Variants in PARD3B observed in about 807,000 individuals in gnomAD.
PARD3B encodes the protein partitioning defective 3 homolog B.
PARD3B carries 103 observed loss-of-function variants against 130.2 expected under a neutral mutation model. The ratio of observed to expected loss-of-function variants is 0.79; its 90% CI spans 0.67 to 0.93. The LOEUF (loss-of-function observed/expected upper bound fraction) is 0.93. Ranked by LOEUF, PARD3B falls within the 40% of genes least tolerant of loss-of-function variation. The pLI is 0.00. For synonymous variants in PARD3B, 583 were observed against 553.2 expected, an observed-to-expected ratio of 1.05 and a Z score of -0.76; for missense variants, 1,609 against 1,499.2, an observed-to-expected ratio of 1.07 and a Z score of -1.21.
At chr2:204,849,131 T>C (rs1288984975) in intron 2 of PARD3B, among the ~76,000 whole-genome samples, 1 of 152,094 alleles carries the variant, frequency 6.6e-6, no homozygotes, top group Non-Finnish European at 1.5e-5. Flanking sequence ...TTAGAAGAAG[T>C]GGCTATTGGA....
chr2:205,058,739 C>T (rs1160767417), intron 4 of PARD3B, among the ~76,000 whole-genome samples: 1 of 151,888 alleles, frequency 6.6e-6, no homozygotes, highest in African/African-American at 2.4e-5. Context: ...CATGTATCTT[C>T]TTTGGGAAAC....
At chr2:205,101,813 T>C (rs552268938) in intron 4 of PARD3B, among the ~76,000 whole-genome samples, 1 of 152,286 alleles carries the variant, frequency 6.6e-6, no homozygotes, top group African/African-American at 2.4e-5. Context: ...ATGTCTACAA[T>C]AGGCAACTCC....
intron 2 of PARD3B, among the ~76,000 whole-genome samples, chr2:204,744,234 T>C (rs2040126908): frequency 6.6e-6 from 1 of 152,138 alleles, no homozygotes; most frequent in South Asian, 2.1e-4. Context: ...TTGGACCATA[T>C]ATTCTCCTGT....
Position 204,989,391 on chromosome 2 carries a change from G to C in PARD3B, c.394+24068G>C, listed in dbSNP as rs1487515620. 2.0e-5 allele frequency among the ~76,000 whole-genome samples: 3 copies of C among 152,104 alleles called. No homozygotes were observed. In the East Asian group the frequency reaches 5.8e-4, roughly 29 times the overall value. On this transcript the variant is annotated intron_variant, in intron 3 of 22. Transcript: ENST00000406610. ...GAAGCACTTACATAGCCAAGGTAAG[G>C]AGCCAGGACATTTTACTAGAGGCCA...
At chr2:205,574,966 G>A (rs568100913) in intron 22 of PARD3B, among the ~76,000 whole-genome samples, 12 of 151,234 alleles carry the variant, frequency 7.9e-5, no homozygotes, top group South Asian at 2.1e-4. Flanking sequence ...AAGGTTCATC[G>A]TATCCTTTGT....
At chr2:205,385,086 A>G (rs924449786) in intron 18 of PARD3B, among the ~76,000 whole-genome samples, 1 of 152,164 alleles carries the variant, frequency 6.6e-6, no homozygotes, top group African/African-American at 2.4e-5. Flanking sequence ...TTCTTAGTCT[A>G]CTGATACAAT....
intron 2 of PARD3B, among the ~76,000 whole-genome samples, chr2:204,918,196 A>G (rs1433825559): frequency 6.6e-6 from 1 of 152,248 alleles, no homozygotes; most frequent in Non-Finnish European, 1.5e-5. Context: ...CTTTGAGGAC[A>G]TTCTTAATGT....
chr2:205,321,776 TCTAAAAACATAAA>T lies in PARD3B; in HGVS notation c.2630+20076_2630+20088del, dbSNP rs1280573311. Among the ~76,000 whole-genome samples, 1 of 152,188 alleles carries T rather than the reference TCTAAAAACATAAA, an allele frequency of 6.6e-6. No homozygotes were observed. ...TTTTGTGGGGTTTATCACTATCTAA[TCTAAAAACATAAA>T]TTAAGTCAGTGTTGACTCCTGGTAA... On this transcript the variant is annotated intron_variant, in intron 18 of 22. Transcript: ENST00000406610. This position sits in a 1 kb window ranked among gnomAD's most constrained non-coding sequence, Gnocchi z 4.2.
chr2:205,565,543 T>TG (rs1267615512), intron 22 of PARD3B, among the ~76,000 whole-genome samples: 1 of 152,222 alleles, frequency 6.6e-6, no homozygotes, highest in Non-Finnish European at 1.5e-5. Flanking sequence ...CTCTGCCTTC[T>TG]GTGGGTCGGT....
Position 204,901,963 on chromosome 2 carries a change from G to A in PARD3B, c.223-63189G>A, listed in dbSNP as rs546771783. On this transcript the variant is annotated intron_variant, in intron 2 of 22. Coordinates refer to ENST00000406610, the MANE Select transcript of PARD3B (RefSeq NM_001302769.2). ...GCCCTATTCTACTGTGGTTGAGCTGGTATCCCAGTTGCAAGACAATGTCCT... is the reference window on the plus strand; with the variant it reads ...GCCCTATTCTACTGTGGTTGAGCTGATATCCCAGTTGCAAGACAATGTCCT... Among the ~76,000 whole-genome samples, 40 of 152,128 alleles carry A rather than the reference G, an allele frequency of 2.6e-4. No homozygotes were observed. In the South Asian group the frequency reaches 8.1e-3, roughly 31 times the overall value.
At chr2:205,595,937 G>A (rs930705690) in intron 22 of PARD3B, among the ~76,000 whole-genome samples, 1 of 151,272 alleles carries the variant, frequency 6.6e-6, no homozygotes, top group East Asian at 1.9e-4. Context: ...AAAAAAAAAA[G>A]AAGAAGTAAT....
In PARD3B at chr2:205,407,651, T is replaced by C. The variant is rs1039038644; in HGVS notation, c.2741+6528T>C. Among the ~76,000 whole-genome samples the C allele has an allele frequency of 5.6e-4, 85 of 152,056 alleles. No homozygotes were observed. Among genetic ancestry groups the C allele is most frequent in the African/African-American group, 1.8e-3 (73 of 41,400 alleles). On this transcript the variant is annotated intron_variant, in intron 19 of 22. Transcript: ENST00000406610. The surrounding 1 kb of genome is among the most constrained non-coding windows in gnomAD (Gnocchi z 4.1). ...TACCATCTCAAAAATCCAGTGGAGA[T>C]TGGTTAAAAGAAAAATATGTCCCCC...
intron 20 of PARD3B, among the ~76,000 whole-genome samples, chr2:205,445,255 A>G (rs1416746736): frequency 1.3e-5 from 2 of 152,218 alleles, no homozygotes; most frequent in South Asian, 2.1e-4. Flanking sequence ...ACCCCACACT[A>G]TGATATAGAC....
At chr2:204,706,854 C>G (rs1172969481) in intron 2 of PARD3B, among the ~76,000 whole-genome samples, 1 of 152,118 alleles carries the variant, frequency 6.6e-6, no homozygotes, top group Non-Finnish European at 1.5e-5. Context: ...TCTAGCAAAA[C>G]ACTAATATTT....
At chr2:205,216,052 A>G (rs2037891426) in intron 15 of PARD3B, among the ~76,000 whole-genome samples, 1 of 152,122 alleles carries the variant, frequency 6.6e-6, no homozygotes, top group Admixed American at 6.6e-5. Context: ...ATGTAGTAAC[A>G]TTTCAGTCAA....
chr2:205,197,579 G>A (rs570297156), intron 15 of PARD3B, among the ~76,000 whole-genome samples: 34 of 152,040 alleles, frequency 2.2e-4, no homozygotes, highest in Non-Finnish European at 4.3e-4. Flanking sequence ...GGATTTTGTG[G>A]ATACTTTTAC....
At chr2:205,164,820 T>TACACACACACAC (rs1306291172) in intron 11 of PARD3B, among the ~76,000 whole-genome samples, 3 of 84,364 alleles carry the variant, frequency 3.6e-5, no homozygotes, top group Non-Finnish European at 7.3e-5. Context: ...CATATATATG[T>TACACACACACAC]ATACACACAC....
At chr2:205,115,676 G>A (rs1317373247) in intron 6 of PARD3B, among the ~76,000 whole-genome samples, 1 of 152,114 alleles carries the variant, frequency 6.6e-6, no homozygotes, top group East Asian at 1.9e-4. Context: ...GGAGTAATGA[G>A]TACAGGCTGA....
At chr2:205,500,731 A>G (rs1012103575) in intron 21 of PARD3B, among the ~76,000 whole-genome samples, 3 of 152,234 alleles carry the variant, frequency 2.0e-5, no homozygotes, top group Non-Finnish European at 4.4e-5. Flanking sequence ...TGAAATGTGC[A>G]TGCACATCAG....
Sources: allele counts gnomAD v4.1 joint callset (sites outside exome capture counted in the v4.1 genomes callset), GRCh38; gene constraint gnomAD v4.1.1; non-coding constraint Gnocchi (gnomAD v3.1); transcripts MANE v1.5; gene names NCBI Gene and HGNC (gene_info 2026-07-23, HGNC 2026-07-21).